THEMIS: variants seen among roughly 807,000 people sequenced by gnomAD.
THEMIS encodes the protein protein THEMIS.
Under a neutral mutation model 52.6 loss-of-function variants are expected in THEMIS, and 37 were observed. The observed-to-expected ratio is 0.70, with a 90% CI of 0.54 to 0.93. The LOEUF (loss-of-function observed/expected upper bound fraction) is 0.93, where lower values mean the gene tolerates loss of function less well. Among genes scored for constraint, THEMIS ranks in the 40% least tolerant of loss-of-function variants. The pLI, the probability that THEMIS is intolerant of heterozygous loss-of-function variation, is 0.00. For synonymous variants in THEMIS, 292 were observed against 272.7 expected, an observed-to-expected ratio of 1.07 and a Z score of -0.70; for missense variants, 808 against 763.1, an observed-to-expected ratio of 1.06 and a Z score of -0.69.
At chr6:127,846,117 T>C (rs2114710396) in intron 2 of THEMIS, among the ~76,000 whole-genome samples, 1 of 152,110 alleles carries the variant, frequency 6.6e-6, no homozygotes, top group East Asian at 1.9e-4. Flanking sequence ...CAGACATCAG[T>C]TGTCCACTAA....
intron 4 of THEMIS, among the ~76,000 whole-genome samples, chr6:127,810,499 C>T (rs981446948): frequency 3.3e-5 from 5 of 152,024 alleles, no homozygotes; most frequent in African/African-American, 9.7e-5. Context: ...GGAAAGAGTT[C>T]CCCCACTTCT....
chr6:127,718,072 A>G (rs946990884), intron 5 of THEMIS, among the ~76,000 whole-genome samples: 1 of 151,880 alleles, frequency 6.6e-6, no homozygotes, highest in Non-Finnish European at 1.5e-5. Context: ...AACATATACT[A>G]TATTATATAA....
chr6:127,744,842 T>G (rs565902161), intron 4 of THEMIS, among the ~76,000 whole-genome samples: 1 of 149,292 alleles, frequency 6.7e-6, no homozygotes, highest in African/African-American at 2.4e-5. Context: ...TACACACACA[T>G]ACACACACAC....
intron 3 of THEMIS, among the ~76,000 whole-genome samples, chr6:127,815,177 T>C (rs1778083998): frequency 6.6e-6 from 1 of 151,950 alleles, no homozygotes; most frequent in South Asian, 2.1e-4. Flanking sequence ...AAAAAAATAA[T>C]AAAGTTATGT....
chr6:127,798,426 C>T (rs1251901811), intron 4 of THEMIS, among the ~76,000 whole-genome samples: 2 of 152,032 alleles, frequency 1.3e-5, no homozygotes, highest in South Asian at 2.1e-4. Flanking sequence ...CATATGTATA[C>T]ATGTGCCACG....
At chr6:127,751,858 A>G (rs942529746) in intron 4 of THEMIS, among the ~76,000 whole-genome samples, 8 of 151,662 alleles carry the variant, frequency 5.3e-5, no homozygotes, top group Non-Finnish European at 7.4e-5. Context: ...TCTAACAGTA[A>G]TATTCAGAAC....
At chr6:127,883,908 G>A (rs1780565146) in intron 1 of THEMIS, among the ~76,000 whole-genome samples, 1 of 152,000 alleles carries the variant, frequency 6.6e-6, no homozygotes, top group Non-Finnish European at 1.5e-5. Context: ...CACAAATTGA[G>A]GAGCATCTGT....
intron 4 of THEMIS, among the ~76,000 whole-genome samples, chr6:127,729,701 T>A (rs1172051063): frequency 6.6e-6 from 1 of 152,174 alleles, no homozygotes; most frequent in Admixed American, 6.5e-5. Flanking sequence ...CCTCATTCAT[T>A]TTTCTGCCAA....
At chr6:127,697,194 T>C in the THEMIS span, among the ~76,000 whole-genome samples, 2 of 152,192 alleles carry the variant, frequency 1.3e-5, no homozygotes, top group Admixed American at 1.3e-4. Context: ...TTTATTATAG[T>C]CAATGGTAAC....
intron 4 of THEMIS, among the ~76,000 whole-genome samples, chr6:127,785,276 A>G (rs1297303436): frequency 6.7e-6 from 1 of 150,286 alleles, no homozygotes; most frequent in Non-Finnish European, 1.5e-5. Context: ...TCACCTATCT[A>G]CCTGTCATCT....
intron 1 of THEMIS, among the ~76,000 whole-genome samples, chr6:127,877,233 C>T (rs951288038): frequency 1.3e-5 from 2 of 152,154 alleles, no homozygotes; most frequent in African/African-American, 4.8e-5. Context: ...ATCTTCTATT[C>T]ACACCACTAA....
chr6:127,809,576 AG>A (rs1357535347), intron 4 of THEMIS, among the ~76,000 whole-genome samples: 1 of 152,158 alleles, frequency 6.6e-6, no homozygotes, highest in Non-Finnish European at 1.5e-5. Flanking sequence ...CTAGAATTAA[AG>A]GAACTATTCA....
intron 4 of THEMIS, among the ~76,000 whole-genome samples, chr6:127,740,425 G>A (rs765905286): frequency 3.3e-5 from 5 of 152,076 alleles, no homozygotes; most frequent in Non-Finnish European, 5.9e-5. Flanking sequence ...AAACTTTATT[G>A]GATGTAAAAT....
intron 4 of THEMIS, among the ~76,000 whole-genome samples, 157 bp downstream of exon 4, chr6:127,812,726 A>T (rs1192906866): frequency 6.6e-6 from 1 of 152,156 alleles, no homozygotes; most frequent in Non-Finnish European, 1.5e-5. Flanking sequence ...CAGCTTACAC[A>T]CTGTTGATGT....
chr6:127,800,624 C>T (rs1414190690), intron 4 of THEMIS, among the ~76,000 whole-genome samples: 4 of 152,260 alleles, frequency 2.6e-5, no homozygotes, highest in East Asian at 1.9e-4. Flanking sequence ...AGGAGGTTAA[C>T]GTTTGAGTCA....
chr6:127,901,734 T>A (rs1426593105), upstream of THEMIS, among the ~76,000 whole-genome samples: 7 of 152,102 alleles, frequency 4.6e-5, no homozygotes, highest in Admixed American at 4.6e-4. Flanking sequence ...ATTTACAGGC[T>A]AACGTCAGCC....
intron 5 of THEMIS, among the ~76,000 whole-genome samples, chr6:127,710,772 G>A (rs948194781): frequency 3.3e-5 from 5 of 151,894 alleles, no homozygotes; most frequent in African/African-American, 1.2e-4. Context: ...CTAAAAGTAA[G>A]CACTACAAGT....
intron 4 of THEMIS, among the ~76,000 whole-genome samples, chr6:127,793,733 C>A (rs1174102126): frequency 6.6e-6 from 1 of 152,296 alleles, no homozygotes; most frequent in Non-Finnish European, 1.5e-5. Flanking sequence ...TTATTCAACA[C>A]TTAACTGGCC....
At chr6:127,847,286 C>A (rs1562296872) in intron 2 of THEMIS, among the ~76,000 whole-genome samples, 1 of 151,854 alleles carries the variant, frequency 6.6e-6, no homozygotes, top group Non-Finnish European at 1.5e-5. Context: ...CTAGCCACAG[C>A]AATTAGACCA....
Sources: gnomAD v4.1 joint callset for allele counts (sites outside exome capture counted in the v4.1 genomes callset) on GRCh38, gnomAD v4.1.1 for gene constraint, MANE v1.5 for transcripts, NCBI Gene and HGNC (gene_info 2026-07-23, HGNC 2026-07-21) for gene names.